The following CEP112 variants were observed in gnomAD, a reference collection of about 807,000 sequenced individuals.
CEP112 encodes centrosomal protein 112.
CEP112 carries 127 observed loss-of-function variants against 153.0 expected under a neutral mutation model. The observed-to-expected ratio is 0.83, with a 90% confidence interval of 0.72 to 0.96. The LOEUF (loss-of-function observed/expected upper bound fraction) is 0.96, where lower values mean the gene tolerates loss of function less well. Among genes scored for constraint, CEP112 ranks in the 40% least tolerant of loss-of-function variants. CEP112 has a pLI of 0.00. For synonymous variants in CEP112, 358 were observed against 374.4 expected (o/e 0.96, Z 0.51); for missense variants, 1,089 against 1,101.2 (o/e 0.99, Z 0.16).
chr17:66,097,253 C>T (rs2146285601), intron 6 of CEP112, among the ~76,000 whole-genome samples: 1 of 152,148 alleles, frequency 6.6e-6, no homozygotes, highest in Middle Eastern at 3.4e-3. Context: ...TCTTTGCAAC[C>T]TGTAAGATCA....
intron 21 of CEP112, among the ~76,000 whole-genome samples, chr17:65,799,412 G>A (rs568251451): frequency 2.7e-4 from 41 of 152,226 alleles, no homozygotes; most frequent in African/African-American, 8.9e-4. Context: ...GGGGCTTCAG[G>A]GTCAACAATT....
intron 11 of CEP112, among the ~76,000 whole-genome samples, chr17:66,058,025 A>G (rs9893049): frequency 0.46 from 70,381 of 151,674 alleles, 17,415 homozygotes; most frequent in East Asian, 0.89. Context: ...TCCAGGAGGC[A>G]AAGGTTGCAG....
At chr17:65,792,971 T>C (rs1222883638) in intron 21 of CEP112, among the ~76,000 whole-genome samples, 3 of 152,162 alleles carry the variant, frequency 2.0e-5, no homozygotes, top group Non-Finnish European at 2.9e-5. Flanking sequence ...TCTTTTTAGC[T>C]GGACGCCTAG....
intron 21 of CEP112, among the ~76,000 whole-genome samples, chr17:65,840,823 AT>A (rs2057488010): frequency 6.6e-6 from 1 of 152,142 alleles, no homozygotes; most frequent in Admixed American, 6.6e-5. Context: ...AAATAATCCA[AT>A]TTAAAAATTG....
At chr17:65,946,390 A>G (rs986063335) in intron 18 of CEP112, among the ~76,000 whole-genome samples, 1 of 152,142 alleles carries the variant, frequency 6.6e-6, no homozygotes, top group Admixed American at 6.5e-5. Context: ...TTCCCCCCAT[A>G]TGACTATCTA....
intron 21 of CEP112, among the ~76,000 whole-genome samples, chr17:65,757,555 G>GT (rs2052361586): frequency 6.6e-6 from 1 of 152,204 alleles, no homozygotes; most frequent in South Asian, 2.1e-4. Flanking sequence ...AATTTAAAAT[G>GT]AGGCCAGTCT....
intron 18 of CEP112, among the ~76,000 whole-genome samples, chr17:65,952,512 C>T (rs1657041409): frequency 6.6e-6 from 1 of 152,052 alleles, no homozygotes; most frequent in Non-Finnish European, 1.5e-5. Flanking sequence ...TATCCTTTCA[C>T]CTTCTGAGGA....
intron 16 of CEP112, among the ~76,000 whole-genome samples, chr17:66,014,595 C>A (rs1051802503): frequency 6.6e-6 from 1 of 152,166 alleles, no homozygotes; most frequent in Admixed American, 6.5e-5. Context: ...ACTCTCTCTG[C>A]CAGCTCAAGT....
chr17:65,845,148 C>T (rs574618233), intron 21 of CEP112, among the ~76,000 whole-genome samples: 2 of 151,974 alleles, frequency 1.3e-5, no homozygotes, highest in South Asian at 2.1e-4. Context: ...GGAGAAACTG[C>T]GTCTGTACTA....
chr17:65,737,387 T>C (rs2050864915), intron 23 of CEP112, among the ~76,000 whole-genome samples: 1 of 152,176 alleles, frequency 6.6e-6, no homozygotes, highest in African/African-American at 2.4e-5. Context: ...TTCAATACTA[T>C]CACCAAATCT....
At chr17:65,828,893 T>G (rs1460578889) in intron 21 of CEP112, among the ~76,000 whole-genome samples, 1 of 151,748 alleles carries the variant, frequency 6.6e-6, no homozygotes, top group African/African-American at 2.4e-5. Flanking sequence ...TTTTTTTCAG[T>G]TTTGACACTG....
chr17:65,743,312 A>C, intron 22 of CEP112, 95 bp from the exon 23 acceptor site: 1 of 915,906 alleles, frequency 1.1e-6, no homozygotes, highest in Non-Finnish European at 1.6e-6. Context: ...GGATTTGACA[A>C]AACTCTATTC....
chr17:66,119,396 C>T (rs1034800568), intron 6 of CEP112, among the ~76,000 whole-genome samples: 2 of 152,174 alleles, frequency 1.3e-5, no homozygotes, highest in Non-Finnish European at 2.9e-5. Flanking sequence ...CAAATTCTAG[C>T]CCAACACCTG....
Position 65,750,768 on chromosome 17 carries a change from G to A in CEP112, c.2395-44C>T, listed in dbSNP as rs371243716. 23 of 1,568,090 alleles carry A rather than the reference G, an allele frequency of 1.5e-5. No homozygotes were observed. The South Asian group carries it at 2.2e-4, about 15-fold the overall frequency. ...TGAACACATACACAGTGACCTGTGA[G>A]CTTGGTATCTCTTCCACATGCCTAT... On this transcript the variant is annotated intron_variant, in intron 21 of 26. Coordinates refer to ENST00000535342, the MANE Select transcript of CEP112 (RefSeq NM_001199165.4).
chr17:65,949,485 T>G (rs1172147573), intron 18 of CEP112, among the ~76,000 whole-genome samples: 1 of 152,098 alleles, frequency 6.6e-6, no homozygotes, highest in Non-Finnish European at 1.5e-5. Context: ...CTCAGAAAGA[T>G]GGGACATAGG....
At chr17:65,810,207 G>C (rs1206191899) in intron 21 of CEP112, among the ~76,000 whole-genome samples, 1 of 152,176 alleles carries the variant, frequency 6.6e-6, no homozygotes, top group African/African-American at 2.4e-5. Context: ...GATAAACAAA[G>C]ACGTGGCACA....
At chr17:66,188,264 T>A (rs1281300474) in intron 1 of CEP112, among the ~76,000 whole-genome samples, 2 of 145,982 alleles carry the variant, frequency 1.4e-5, no homozygotes, top group Non-Finnish European at 3.0e-5. Context: ...CATTTAGGCC[T>A]GTCTCTCACA....
chr17:65,893,304 T>C (rs974566383), intron 20 of CEP112, among the ~76,000 whole-genome samples: 8 of 152,164 alleles, frequency 5.3e-5, no homozygotes, highest in African/African-American at 1.9e-4. Context: ...ATGTGACTAA[T>C]ACTTTCAGTA....
intron 19 of CEP112, among the ~76,000 whole-genome samples, chr17:65,924,379 G>C (rs901057850): frequency 6.6e-6 from 1 of 152,076 alleles, no homozygotes; most frequent in African/African-American, 2.4e-5. Flanking sequence ...ACATGTATAA[G>C]TATTTCTATA....
Sources: allele counts gnomAD v4.1 joint callset (sites outside exome capture counted in the v4.1 genomes callset), GRCh38; gene constraint gnomAD v4.1.1; transcripts MANE v1.5; gene names NCBI Gene and HGNC (gene_info 2026-07-23, HGNC 2026-07-21).